The following ELMO1 variants were observed in gnomAD, a reference collection of about 807,000 sequenced individuals.
The protein encoded by ELMO1 is engulfment and cell motility protein 1.
ELMO1 carries 26 observed loss-of-function variants against 98.9 expected under a neutral mutation model. The observed-to-expected ratio is 0.26, with a 90% CI of 0.19 to 0.36. The LOEUF is 0.36. Among genes scored for constraint, ELMO1 ranks in the 10% least tolerant of loss-of-function variants. ELMO1 has a pLI of 1.00. For synonymous variants in ELMO1, 346 were observed against 346.0 expected, an observed-to-expected ratio of 1.00 and a Z score of 0.00; for missense variants, 627 against 935.2, an observed-to-expected ratio of 0.67 and a Z score of 4.30.
chr7:37,070,830 C>G (rs919091682), intron 15 of ELMO1, among the ~76,000 whole-genome samples: 1 of 152,188 alleles, frequency 6.6e-6, no homozygotes, highest in East Asian at 1.9e-4. Context: ...ATTTTCTCTT[C>G]TGGGACATTC....
chr7:37,408,452 G>A (rs1364190668), intron 1 of ELMO1, among the ~76,000 whole-genome samples: 1 of 152,152 alleles, frequency 6.6e-6, no homozygotes, highest in African/African-American at 2.4e-5. Flanking sequence ...GAGCAACATT[G>A]GCACTACTGT....
intron 14 of ELMO1, among the ~76,000 whole-genome samples, chr7:37,101,310 T>C (rs1023556309): frequency 5.3e-5 from 8 of 152,106 alleles, no homozygotes; most frequent in African/African-American, 1.9e-4. Flanking sequence ...GTGACAATAG[T>C]GTGAAGAACG....
intron 13 of ELMO1, among the ~76,000 whole-genome samples, chr7:37,178,569 T>C (rs984057135): frequency 1.3e-5 from 2 of 151,888 alleles, no homozygotes; most frequent in Non-Finnish European, 2.9e-5. Context: ...ACCACTGCAC[T>C]CCAGCCTGGG....
At chr7:37,399,463 A>G (rs1425719581) in intron 1 of ELMO1, among the ~76,000 whole-genome samples, 2 of 152,190 alleles carry the variant, frequency 1.3e-5, no homozygotes, top group Admixed American at 6.5e-5. Flanking sequence ...CACCAGGCAC[A>G]TGTTATTCCT....
intron 16 of ELMO1, among the ~76,000 whole-genome samples, chr7:36,915,394 A>G (rs1452708799): frequency 6.6e-6 from 1 of 152,226 alleles, no homozygotes; most frequent in Admixed American, 6.5e-5. Context: ...TTATTCTTTT[A>G]TCTAAGATAG....
chr7:37,093,177 GTT>G (rs11298858), intron 15 of ELMO1, among the ~76,000 whole-genome samples: 1 of 140,734 alleles, frequency 7.1e-6, no homozygotes, highest in Admixed American at 6.9e-5. Flanking sequence ...AAATAGTGCT[GTT>G]TTTTTTTTTA....
At chr7:36,919,100 T>G (rs1784936074) in intron 16 of ELMO1, among the ~76,000 whole-genome samples, 1 of 152,182 alleles carries the variant, frequency 6.6e-6, no homozygotes, top group Non-Finnish European at 1.5e-5. Context: ...AAATAGAACT[T>G]GCACAAACGT....
intron 14 of ELMO1, among the ~76,000 whole-genome samples, chr7:37,126,673 A>G (rs1786543537): frequency 6.6e-6 from 1 of 152,226 alleles, no homozygotes; most frequent in South Asian, 2.1e-4. Flanking sequence ...TAAAAAACAA[A>G]TAAACAAATA....
chr7:36,967,020 C>T (rs1463788154), intron 16 of ELMO1, among the ~76,000 whole-genome samples: 1 of 152,224 alleles, frequency 6.6e-6, no homozygotes, highest in Non-Finnish European at 1.5e-5. Flanking sequence ...GTAATTTATA[C>T]ACTGACATAG....
chr7:37,298,338 A>G (rs11980208), intron 4 of ELMO1, among the ~76,000 whole-genome samples: 4,992 of 140,554 alleles, frequency 0.036, 289 homozygotes, highest in African/African-American at 0.12. Flanking sequence ...GTTTTAGGGT[A>G]CATGTGCACA....
At position 37,343,927 on chromosome 7, in the gene ELMO1, C is replaced by T. The variant is rs181493482; in HGVS notation, c.-73-1164G>A. Among the ~76,000 whole-genome samples the T allele has an allele frequency of 1.7e-3, 253 of 152,232 alleles. 1 individual carries two copies. The highest frequency in any genetic ancestry group is 4.8e-3 in the African/African-American group (201 of 41,530). On this transcript the variant is annotated intron_variant, in intron 1 of 21. Coordinates refer to ENST00000310758, the MANE Select transcript of ELMO1 (RefSeq NM_014800.11). Reference sequence around the variant, plus strand: ...TATCTGCGTTCACTTCTTATACTTCCAGTTATCCAAAGTCATTAGGTATCC... The same window carrying T: ...TATCTGCGTTCACTTCTTATACTTCTAGTTATCCAAAGTCATTAGGTATCC...
chr7:37,104,010 CAAAAAA>C (rs35979251), intron 14 of ELMO1, among the ~76,000 whole-genome samples: 1,367 of 28,668 alleles, frequency 0.048, 1 homozygote, highest in Middle Eastern at 0.11. Flanking sequence ...GACTCCATCT[CAAAAAA>C]AAAAAAAAAA....
intron 4 of ELMO1, among the ~76,000 whole-genome samples, chr7:37,301,384 T>C (rs186803075): frequency 6.6e-6 from 1 of 152,196 alleles, no homozygotes; most frequent in African/African-American, 2.4e-5. Context: ...CTTTATCTCC[T>C]AATGAAATGA....
chr7:36,993,677 G>A (rs962148475), intron 16 of ELMO1, among the ~76,000 whole-genome samples: 6 of 152,146 alleles, frequency 3.9e-5, no homozygotes, highest in African/African-American at 1.4e-4. Flanking sequence ...TCCAGTACTT[G>A]CCTGCAACTT....
intron 20 of ELMO1, among the ~76,000 whole-genome samples, chr7:36,866,178 C>T (rs200135650): frequency 1.3e-5 from 2 of 152,302 alleles, no homozygotes; most frequent in East Asian, 3.9e-4. Context: ...AAGCACACAG[C>T]CACAAATCAG....
chr7:37,057,302 T>G (rs1796437876), intron 15 of ELMO1, among the ~76,000 whole-genome samples: 1 of 152,144 alleles, frequency 6.6e-6, no homozygotes, highest in African/African-American at 2.4e-5. Flanking sequence ...AAGAACCATT[T>G]AGGAATATGT....
chr7:37,366,856 A>G (rs1012000098), intron 1 of ELMO1, among the ~76,000 whole-genome samples: 1 of 152,244 alleles, frequency 6.6e-6, no homozygotes, highest in East Asian at 1.9e-4. Flanking sequence ...GGAGATTCTG[A>G]GACAAGAGCG....
At chr7:37,003,042 T>C (rs1584500468) in intron 16 of ELMO1, among the ~76,000 whole-genome samples, 1 of 152,336 alleles carries the variant, frequency 6.6e-6, no homozygotes, top group Non-Finnish European at 1.5e-5. Flanking sequence ...CCTGCCTAAA[T>C]GACTTCCTCC....
intron 13 of ELMO1, among the ~76,000 whole-genome samples, chr7:37,162,866 C>A (rs895043551): frequency 1.3e-5 from 2 of 152,070 alleles, no homozygotes; most frequent in Non-Finnish European, 2.9e-5. Context: ...CATCTACTGC[C>A]AAAAATCTAA....
Sources: allele counts gnomAD v4.1 joint callset (sites outside exome capture counted in the v4.1 genomes callset), GRCh38; gene constraint gnomAD v4.1.1; transcripts MANE v1.5; gene names NCBI Gene and HGNC (gene_info 2026-07-23, HGNC 2026-07-21).